ZNF727: variants seen among roughly 807,000 people sequenced by gnomAD.
ZNF727 encodes zinc finger protein 727.
Under a neutral mutation model 11.5 loss-of-function variants are expected in ZNF727, and 11 were observed. The observed-to-expected ratio is 0.95, with a 90% CI of 0.60 to 1.58. The LOEUF (loss-of-function observed/expected upper bound fraction) is 1.58, where lower values mean the gene tolerates loss of function less well. Ranked by LOEUF, ZNF727 falls within the 40% of genes most tolerant of loss-of-function variation. The pLI is 0.00. For synonymous variants in ZNF727, 171 were observed against 196.1 expected (o/e 0.87, Z 1.07); for missense variants, 533 against 581.7 (o/e 0.92, Z 0.86).
chr7:64,078,680 CT>C lies in ZNF727; in HGVS notation c.*134del. The stretch of plus-strand genomic sequence containing the variant: ...ACATTTGTGAAGAATGTGGCAAAGC[CT>C]TTATCCGCTCCTCAACCCTTACAAG... On this transcript the variant is annotated 3_prime_UTR_variant, in exon 4 of 4. Transcript: ENST00000456806. The C allele has an allele frequency of 7.8e-7, 1 of 1,285,828 alleles. No homozygotes were observed. The highest frequency in any genetic ancestry group is 1.1e-6 in the Non-Finnish European group (1 of 891,572). 79.7% of individuals were successfully genotyped at this position (1,285,828 alleles called of 1,614,324 possible). A position where few individuals can be genotyped will look rare whatever the true frequency, so the allele number is the denominator to read the frequency against.
intron 1 of ZNF727, among the ~76,000 whole-genome samples, chr7:64,046,113 T>C (rs1228102470): frequency 6.6e-6 from 1 of 152,118 alleles, no homozygotes; most frequent in Non-Finnish European, 1.5e-5. Flanking sequence ...CCTCCTGGGC[T>C]CAGATGATCC....
Position 64,068,889 on chromosome 7 carries a change from AGCGAGT to A in ZNF727, c.5_10del (p.Arg2_Val3del), listed in dbSNP as rs1291137577. ...ACTTGGTAAATATGTTTTGTTTTTC[AGCGAGT>A]GCTAACATTCAGGGATGTGGCTGTA... On this transcript the variant is annotated splice_acceptor_variant and coding_sequence_variant, in exon 2 of 4. Coordinates refer to ENST00000456806, the MANE Select transcript of ZNF727 (RefSeq NM_001159522.3). LOFTEE classifies it high-confidence loss of function. 1.9e-6 allele frequency: 3 copies of A among 1,587,612 alleles called. No individual in the cohort carries two copies. In the African/African-American group the frequency reaches 4.1e-5, roughly 21 times the overall value.
chr7:64,049,581 T>A (rs117764632), intron 1 of ZNF727, among the ~76,000 whole-genome samples: 2,236 of 152,012 alleles, frequency 0.015, 21 homozygotes, highest in Non-Finnish European at 0.021. Context: ...ATTAGTCATG[T>A]AGTAAACATT....
chr7:64,051,672 G>A (rs573034763), intron 1 of ZNF727, among the ~76,000 whole-genome samples: 2 of 152,214 alleles, frequency 1.3e-5, no homozygotes, highest in East Asian at 3.9e-4. Context: ...ATCTTAGCTG[G>A]AATGCTGTTT....
At position 64,078,524 on chromosome 7, in the gene ZNF727, C is replaced by G. The variant is rs1404131572; in HGVS notation, c.1475C>G (p.Ser492Cys). ...AKNVAKPLGG[S>C]QTLLNIR The stretch of plus-strand genomic sequence containing the variant: ...AATGTGGCAAAGCCTTTAGGTGGTT[C>G]TCAGACCTTACTAAACATAAGGTAA... Residue 492 changes from serine (S) to cysteine (C), a missense_variant, in exon 4 of 4, where the codon TCT becomes TGT. Physicochemically the swap from Ser to Cys is moderately radical, Grantham distance 112. This residue lies in a region of ZNF727 where 54 missense variants were observed against 48.6 expected (regional missense o/e 1.11). Coordinates refer to ENST00000456806, the MANE Select transcript of ZNF727 (RefSeq NM_001159522.3). 1 of 1,559,578 alleles carries G rather than the reference C, an allele frequency of 6.4e-7. No individual in the cohort carries two copies. The highest frequency in any genetic ancestry group is 1.4e-5 in the African/African-American group (1 of 73,160).
intron 3 of ZNF727, among the ~76,000 whole-genome samples, chr7:64,071,115 T>G (rs966205876): frequency 2.6e-5 from 4 of 152,104 alleles, no homozygotes; most frequent in Admixed American, 2.6e-4. Context: ...GATAGTAAAT[T>G]TATTGTATAT....
At chr7:64,065,867 A>G (rs1595620) in intron 1 of ZNF727, among the ~76,000 whole-genome samples, 23,501 of 151,738 alleles carry the variant, frequency 0.15, 1,962 homozygotes, top group African/African-American at 0.18. Context: ...AATTGTCACC[A>G]TGAATTTATA....
Position 64,082,833 on chromosome 7 carries a change from G to T in ZNF727, c.*4284G>T, listed in dbSNP as rs1251912478. Among the ~76,000 whole-genome samples, 1 of 151,442 alleles carries T rather than the reference G, an allele frequency of 6.6e-6. No individual in the cohort carries two copies. The highest frequency in any genetic ancestry group is 1.9e-4 in the East Asian group (1 of 5,162). On this transcript the variant is annotated 3_prime_UTR_variant, in exon 4 of 4. Coordinates refer to ENST00000456806, the MANE Select transcript of ZNF727 (RefSeq NM_001159522.3). The stretch of plus-strand genomic sequence containing the variant: ...GGAGGCAGATGTTGCTGTGAGCGGA[G>T]ATTGTGCCACTGCACTCCAGCCTGG...
chr7:64,077,162 G>A (rs1785679078), intron 3 of ZNF727, 114 bp from the exon 4 acceptor site: 3 of 1,050,062 alleles, frequency 2.9e-6, no homozygotes, highest in East Asian at 5.2e-5. Flanking sequence ...AGTAGAGCCT[G>A]TGGTATTTTA....
chr7:64,052,683 C>G (rs1789621590), intron 1 of ZNF727, among the ~76,000 whole-genome samples: 1 of 152,194 alleles, frequency 6.6e-6, no homozygotes, highest in African/African-American at 2.4e-5. Context: ...CCTGGAAAAG[C>G]TGCAGACACT....
chr7:64,074,744 G>T (rs1174300100), intron 3 of ZNF727, among the ~76,000 whole-genome samples: 1 of 152,122 alleles, frequency 6.6e-6, no homozygotes, highest in Non-Finnish European at 1.5e-5. Flanking sequence ...ACTAAGCTTA[G>T]AAATTTAAAT....
chr7:64,077,484 T>C lies in ZNF727; in HGVS notation c.435T>C (p.Cys145=), dbSNP rs750202719. The C allele has an allele frequency of 6.4e-7, 1 of 1,551,736 alleles. No individual in the cohort carries two copies. Among genetic ancestry groups the C allele is most frequent in the South Asian group, 1.2e-5 (1 of 84,056 alleles). ...TGTCAGCTACCCGTAGCAAAACCTG[T>C]CAATATAATAAATGTGGCAAAGCTT... ...QCLSATRSKT[C]QYNKCGKAFG... Residue 145 remains cysteine (C), a synonymous_variant, in exon 4 of 4, where the codon TGT becomes TGC. Coordinates refer to ENST00000456806, the MANE Select transcript of ZNF727 (RefSeq NM_001159522.3).
At chr7:64,047,035 G>C (rs1035140479) in intron 1 of ZNF727, among the ~76,000 whole-genome samples, 2 of 151,544 alleles carry the variant, frequency 1.3e-5, no homozygotes, top group African/African-American at 2.4e-5. Flanking sequence ...GACGTAGTTA[G>C]GTTTCCTTAG....
At chr7:64,059,327 GA>G (rs991679449) in intron 1 of ZNF727, among the ~76,000 whole-genome samples, 2 of 152,160 alleles carry the variant, frequency 1.3e-5, no homozygotes, top group African/African-American at 4.8e-5. Flanking sequence ...AAAAAAGGTA[GA>G]AAAAATACAG....
intron 3 of ZNF727, among the ~76,000 whole-genome samples, chr7:64,073,378 C>CAATT (rs1789993331): frequency 6.7e-6 from 1 of 150,246 alleles, no homozygotes; most frequent in Admixed American, 6.6e-5. Context: ...GTTTTCTGGT[C>CAATT]AATTATTCTA....
At position 64,079,267 on chromosome 7, in the gene ZNF727, TAACA is replaced by T. The variant is rs1449068620; in HGVS notation, c.*720_*723del. 1.3e-5 allele frequency among the ~76,000 whole-genome samples: 2 copies of T among 152,220 alleles called. No individual in the cohort carries two copies. The highest frequency in any genetic ancestry group is 2.9e-5 in the Non-Finnish European group (2 of 68,028). On this transcript the variant is annotated 3_prime_UTR_variant, in exon 4 of 4. Coordinates refer to ENST00000456806, the MANE Select transcript of ZNF727 (RefSeq NM_001159522.3). ...AGTGTTAAAAATGTGGAAAAGCCTT[TAACA>T]ATTCGTCATATTGTGTTCAACATCA...
At chr7:64,047,409 A>G (rs1177797365) in intron 1 of ZNF727, among the ~76,000 whole-genome samples, 1 of 152,234 alleles carries the variant, frequency 6.6e-6, no homozygotes, top group Non-Finnish European at 1.5e-5. Flanking sequence ...GAAAGCAGAG[A>G]GTAATCACCT....
At chr7:64,069,878 G>A (rs1412851307) in intron 3 of ZNF727, among the ~76,000 whole-genome samples, 1 of 151,964 alleles carries the variant, frequency 6.6e-6, no homozygotes, top group African/African-American at 2.4e-5. Flanking sequence ...TGAGTTTACA[G>A]TGATAAAGTC....
intron 1 of ZNF727, among the ~76,000 whole-genome samples, chr7:64,056,626 CTGAG>C (rs1789690293): frequency 1.1e-5 from 1 of 87,386 alleles, no homozygotes; most frequent in African/African-American, 3.4e-5. Context: ...GTGTAGTTAA[CTGAG>C]TAACAGTAAT....
Sources: allele counts gnomAD v4.1 joint callset (sites outside exome capture counted in the v4.1 genomes callset), GRCh38; gene constraint gnomAD v4.1.1; regional missense constraint gnomAD v4.1.1; transcripts MANE v1.5; gene names NCBI Gene and HGNC (gene_info 2026-07-23, HGNC 2026-07-21).